Variants in SUFU observed in about 807,000 individuals in gnomAD.
The protein encoded by SUFU is suppressor of fused homolog.
A neutral mutation model predicts 58.9 loss-of-function variants in SUFU; 7 were observed. The ratio of observed to expected loss-of-function variants is 0.12; its 90% CI spans 0.07 to 0.22. SUFU has a LOEUF of 0.22. Ranked by LOEUF, SUFU falls within the 10% of genes least tolerant of loss-of-function variation. The pLI, the probability that SUFU is intolerant of heterozygous loss-of-function variation, is 1.00. For synonymous variants in SUFU, 232 were observed against 254.8 expected (o/e 0.91, Z 0.85); for missense variants, 451 against 641.3 (o/e 0.70, Z 3.20).
intron 3 of SUFU, among the ~76,000 whole-genome samples, chr10:102,585,759 T>G (rs1487137914): frequency 7.2e-5 from 11 of 152,054 alleles, no homozygotes; most frequent in Non-Finnish European, 1.5e-4. Flanking sequence ...CCTCAAGCGA[T>G]CCTCTCACCT....
intron 3 of SUFU, among the ~76,000 whole-genome samples, chr10:102,584,477 G>A (rs971583036): frequency 2.0e-5 from 3 of 151,996 alleles, no homozygotes; most frequent in Non-Finnish European, 4.4e-5. Flanking sequence ...CACCATGCCC[G>A]GCCCAGTTTG....
At chr10:102,520,280 C>T (rs1253094330) in intron 2 of SUFU, among the ~76,000 whole-genome samples, 3 of 135,536 alleles carry the variant, frequency 2.2e-5, no homozygotes, top group Admixed American at 1.6e-4. Context: ...CACAATGGTG[C>T]GATCTCAGCT....
chr10:102,575,497 C>T (rs960641897), intron 3 of SUFU, among the ~76,000 whole-genome samples: 5 of 152,130 alleles, frequency 3.3e-5, no homozygotes, highest in African/African-American at 1.2e-4. Flanking sequence ...TAGCTCAGGT[C>T]TCTATTCTGA....
intron 2 of SUFU, 42 bp downstream of exon 2, chr10:102,509,345 T>C (rs1238838227): frequency 1.2e-6 from 2 of 1,610,798 alleles, no homozygotes; most frequent in East Asian, 2.2e-5. Flanking sequence ...GCCTTATTCC[T>C]GAGGTCTTCC....
intron 3 of SUFU, among the ~76,000 whole-genome samples, chr10:102,565,835 C>A (rs1564683619): frequency 6.6e-6 from 1 of 152,166 alleles, no homozygotes; most frequent in Non-Finnish European, 1.5e-5. Context: ...CGTGAGCCAC[C>A]ACGCCTGGCC....
chr10:102,568,925 T>A lies in SUFU; in HGVS notation c.454+18819T>A, dbSNP rs1425779558. 1.3e-4 allele frequency among the ~76,000 whole-genome samples: 4 copies of A among 30,380 alleles called. 1 individual carries two copies. The highest frequency in any genetic ancestry group is 4.6e-4 in the Admixed American group (1 of 2,158). 19.9% of individuals were successfully genotyped at this position (30,380 alleles called of 152,430 possible). A position where few individuals can be genotyped will look rare whatever the true frequency, so the allele number is the denominator to read the frequency against. ...ATATATATATATATATATATACACA[T>A]ATATATATATATATATATATATATA... On this transcript the variant is annotated intron_variant, in intron 3 of 11. Coordinates refer to ENST00000369902, the MANE Select transcript of SUFU (RefSeq NM_016169.4).
chr10:102,525,149 C>T (rs1289001726), intron 2 of SUFU, among the ~76,000 whole-genome samples: 2 of 152,064 alleles, frequency 1.3e-5, no homozygotes, highest in African/African-American at 4.8e-5. Flanking sequence ...CTCTCTCTGT[C>T]GCCCAGGCTG....
chr10:102,554,058 G>A (rs1018621371), intron 3 of SUFU, among the ~76,000 whole-genome samples: 5 of 152,150 alleles, frequency 3.3e-5, no homozygotes, highest in Non-Finnish European at 7.4e-5. Context: ...TTGCACCATT[G>A]CACTCCAGCC....
At chr10:102,543,821 C>G (rs1394860815) in intron 2 of SUFU, among the ~76,000 whole-genome samples, 1 of 152,152 alleles carries the variant, frequency 6.6e-6, no homozygotes, top group South Asian at 2.1e-4. Flanking sequence ...TGTTTAATCC[C>G]CAATAACAAC....
intron 5 of SUFU, 54 bp from the exon 6 acceptor site, chr10:102,593,939 G>A (rs1431263959): frequency 6.2e-7 from 1 of 1,601,136 alleles, no homozygotes; most frequent in African/African-American, 1.3e-5. Flanking sequence ...TGTAGGCCCA[G>A]CCCATCAGCC....
chr10:102,528,620 C>T (rs1430227744), intron 2 of SUFU, among the ~76,000 whole-genome samples: 3 of 152,102 alleles, frequency 2.0e-5, no homozygotes, highest in Admixed American at 2.0e-4. Context: ...AAACCCTTTG[C>T]TCACTGAAAG....
chr10:102,609,808 G>A (rs2063604367), intron 8 of SUFU, among the ~76,000 whole-genome samples: 1 of 152,174 alleles, frequency 6.6e-6, no homozygotes, highest in African/African-American at 2.4e-5. Flanking sequence ...GAGGGAATGG[G>A]AGAGAGGTGT....
intron 8 of SUFU, among the ~76,000 whole-genome samples, chr10:102,600,056 A>G (rs1353089650): frequency 6.6e-6 from 1 of 152,108 alleles, no homozygotes; most frequent in Admixed American, 6.5e-5. Flanking sequence ...AGTCTTTTGC[A>G]GGCCTCTGCT....
chr10:102,567,327 A>T (rs919906642), intron 3 of SUFU, among the ~76,000 whole-genome samples: 1 of 152,130 alleles, frequency 6.6e-6, no homozygotes, highest in African/African-American at 2.4e-5. Flanking sequence ...CTGTCAAGAA[A>T]AAAAAAGGCC....
intron 3 of SUFU, among the ~76,000 whole-genome samples, chr10:102,561,261 T>C (rs1485534409): frequency 6.6e-6 from 1 of 152,240 alleles, no homozygotes; most frequent in Non-Finnish European, 1.5e-5. Context: ...TGAGGAGGAA[T>C]TAGATAAATT....
chr10:102,508,907 G>C (rs2062363189), intron 1 of SUFU, among the ~76,000 whole-genome samples: 1 of 152,182 alleles, frequency 6.6e-6, no homozygotes, highest in Admixed American at 6.5e-5. Context: ...AGCAAAATGG[G>C]TAACCATCCA....
rs997775534 is a variant in SUFU, at chr10:102,630,888, C to G, written c.*733C>G. On this transcript the variant is annotated 3_prime_UTR_variant, in exon 12 of 12. Transcript: ENST00000369902. ...TGCACAGAGAGGCTTTTCTTCCCAG[C>G]TGGGCCTGGTGGAGCCCGGGGCAGG... 4.7e-5 allele frequency: 11 copies of G among 235,434 alleles called. No individual in the cohort carries two copies. Among genetic ancestry groups the G allele is most frequent in the Non-Finnish European group, 7.5e-5 (9 of 119,686 alleles). 14.6% of individuals were successfully genotyped at this position (235,434 alleles called of 1,614,324 possible).
chr10:102,563,827 A>G (rs919241358), intron 3 of SUFU, among the ~76,000 whole-genome samples: 1 of 150,918 alleles, frequency 6.6e-6, no homozygotes, highest in African/African-American at 2.4e-5. Context: ...TTGAGACTCT[A>G]GCTGCATTTT....
At position 102,619,369 on chromosome 10, in the gene SUFU, C is replaced by T. The variant is rs1345877346; in HGVS notation, c.1296+1941C>T. 5.7e-6 allele frequency: 8 copies of T among 1,408,342 alleles called. No homozygotes were observed. The highest frequency in any genetic ancestry group is 2.9e-5 in the Admixed American group (1 of 33,960). The allele number at this position is 1,408,342 out of a possible 1,614,324, so 87.2% of individuals were successfully genotyped here. A position where few individuals can be genotyped will look rare whatever the true frequency, so the allele number is the denominator to read the frequency against. Reference sequence around the variant, plus strand: ...CTGGCTCCCCAGCACATGGTCCCCTCCCATGGGCTGTTGCCCAGGGAACCG... The same window carrying T: ...CTGGCTCCCCAGCACATGGTCCCCTTCCATGGGCTGTTGCCCAGGGAACCG... On this transcript the variant is annotated intron_variant, in intron 10 of 11. Coordinates refer to ENST00000369902, the MANE Select transcript of SUFU (RefSeq NM_016169.4). This position sits in a 1 kb window ranked among gnomAD's most constrained non-coding sequence, Gnocchi z 4.2.
Sources: gnomAD v4.1 joint callset for allele counts (sites outside exome capture counted in the v4.1 genomes callset) on GRCh38, gnomAD v4.1.1 for gene constraint, Gnocchi (gnomAD v3.1) non-coding constraint, MANE v1.5 for transcripts, NCBI Gene and HGNC (gene_info 2026-07-23, HGNC 2026-07-21) for gene names.